SRPRA: variants seen among roughly 807,000 people sequenced by gnomAD.
SRPRA encodes SRP receptor subunit alpha.
In SRPRA, 30 loss-of-function variants were observed where a neutral mutation model predicts 61.1. The observed-to-expected ratio is 0.49, with a 90% CI of 0.37 to 0.67. SRPRA has a LOEUF of 0.67. Ranked by LOEUF, SRPRA falls within the 30% of genes least tolerant of loss-of-function variation. The pLI is 0.00. For synonymous variants in SRPRA, 324 were observed against 299.7 expected, an observed-to-expected ratio of 1.08 and a Z score of -0.84; for missense variants, 759 against 828.4, an observed-to-expected ratio of 0.92 and a Z score of 1.03.
the SRPRA span, among the ~76,000 whole-genome samples, chr11:126,249,310 T>C: frequency 6.6e-6 from 1 of 152,340 alleles, no homozygotes; most frequent in South Asian, 2.1e-4. Flanking sequence ...TATTAAATTG[T>C]TTACGTTAAC....
chr11:126,250,909 A>G, the SRPRA span, among the ~76,000 whole-genome samples: 1 of 152,208 alleles, frequency 6.6e-6, no homozygotes, highest in Non-Finnish European at 1.5e-5. The surrounding 1 kb of genome is among the most constrained non-coding windows in gnomAD (Gnocchi z 5.1). Context: ...ATCAATATAC[A>G]GTAAAATGCA....
chr11:126,268,781 G>C lies in SRPRA; in HGVS notation c.24C>G (p.Phe8Leu). MLDFFTI[F>L]SKGGLVLWCF... ...ACCAGAGCACAAGCCCGCCCTTGGA[G>C]AAAATGGTGAAGAAGTCGAGCATGG... The change falls in exon 1 of 14, where the codon TTC becomes TTG. Residue 8 changes from phenylalanine (F) to leucine (L), a missense_variant. By Grantham distance (22) the Phe-to-Leu change is conservative. Transcript: ENST00000332118. 6.2e-7 allele frequency: 1 copy of C among 1,613,772 alleles called. No individual in the cohort carries two copies. Among genetic ancestry groups the C allele is most frequent in the South Asian group, 1.1e-5 (1 of 91,088 alleles).
At chr11:126,236,937 T>A in the SRPRA span, among the ~76,000 whole-genome samples, 18 of 107,278 alleles carry the variant, frequency 1.7e-4, 1 homozygote, top group African/African-American at 5.4e-4. Flanking sequence ...TTTTTTTTTT[T>A]AGACAGAGTC....
the SRPRA span, among the ~76,000 whole-genome samples, chr11:126,245,995 C>T: frequency 5.9e-4 from 84 of 142,834 alleles, no homozygotes; most frequent in African/African-American, 2.1e-3. Context: ...AGACTCCGTC[C>T]CAAAAAAAAA....
chr11:126,255,098 C>T, the SRPRA span, among the ~76,000 whole-genome samples: 1 of 152,194 alleles, frequency 6.6e-6, no homozygotes, highest in Non-Finnish European at 1.5e-5. The surrounding 1 kb of genome is among the most constrained non-coding windows in gnomAD (Gnocchi z 4.6). Context: ...AAACCAACCA[C>T]TACTAGAGAA....
the SRPRA span, among the ~76,000 whole-genome samples, chr11:126,252,439 TA>T: frequency 6.6e-6 from 1 of 152,178 alleles, no homozygotes; most frequent in Non-Finnish European, 1.5e-5. The surrounding 1 kb of genome is among the most constrained non-coding windows in gnomAD (Gnocchi z 4.7). Flanking sequence ...GCTTGGTAAA[TA>T]TTTTTTTGAT....
At position 126,264,530 on chromosome 11, in the gene SRPRA, T is replaced by C. The variant is rs1179176502; in HGVS notation, c.1535A>G (p.Gln512Arg). 1 of 1,613,030 alleles carries C rather than the reference T, an allele frequency of 6.2e-7. No individual in the cohort carries two copies. The highest frequency in any genetic ancestry group is 1.1e-5 in the South Asian group (1 of 91,014). ...GTCCACCAGCACCACGTCAAAGCCT[T>C]GGTTACGTGCTAGAGAAAGAAAGTA... The part of the protein sequence containing the change: ...AMEAIAFARN[Q>R]GFDVVLVDTA... The change falls in exon 12 of 14, where the codon CAA becomes CGA. Residue 512 changes from glutamine to arginine, a missense_variant. Gln to Arg is a conservative substitution (Grantham distance 43). Transcript: ENST00000332118. This position sits in a 1 kb window ranked among gnomAD's most constrained non-coding sequence, Gnocchi z 5.0.
chr11:126,246,283 T>G, the SRPRA span, among the ~76,000 whole-genome samples: 1 of 152,180 alleles, frequency 6.6e-6, no homozygotes, highest in South Asian at 2.1e-4. Context: ...AATCTAACAG[T>G]ATCAACTCAG....
chr11:126,250,651 CA>C, the SRPRA span: 1 of 1,614,128 alleles, frequency 6.2e-7, no homozygotes, highest in Non-Finnish European at 8.5e-7. The surrounding 1 kb of genome is among the most constrained non-coding windows in gnomAD (Gnocchi z 5.1). Flanking sequence ...GTATTAACTA[CA>C]AATTTTGATA....
At position 126,263,803 on chromosome 11, in the gene SRPRA, C is replaced by A. The variant is rs1565344776; in HGVS notation, c.*113G>T. On this transcript the variant is annotated 3_prime_UTR_variant, in exon 14 of 14. Coordinates refer to ENST00000332118, the MANE Select transcript of SRPRA (RefSeq NM_003139.4). The stretch of plus-strand genomic sequence containing the variant: ...GGAAGGAGCCACAAGCCCCCTCACT[C>A]TGCCTTTGTACTACACTGAAGACAG... 2.8e-6 allele frequency: 4 copies of A among 1,454,452 alleles called. No individual in the cohort carries two copies. Among genetic ancestry groups the A allele is most frequent in the Non-Finnish European group, 3.7e-6 (4 of 1,081,372 alleles). The allele number at this position is 1,454,452 out of a possible 1,614,324, so 90.1% of individuals were successfully genotyped here.
At chr11:126,258,451 C>T (rs1387230055), downstream of SRPRA, among the ~76,000 whole-genome samples, 1 of 152,200 alleles carries the variant, frequency 6.6e-6, no homozygotes, top group East Asian at 1.9e-4. Flanking sequence ...AAATCATCCC[C>T]AGATTTCTTA....
chr11:126,249,731 CAAAAAAAAAAAAA>C, the SRPRA span, among the ~76,000 whole-genome samples: 7 of 79,004 alleles, frequency 8.9e-5, no homozygotes, highest in African/African-American at 1.5e-4. Context: ...GACTCCGTCT[CAAAAAAAAAAAAA>C]AAAAAAAAAA....
chr11:126,250,815 G>T, the SRPRA span: 2 of 1,113,484 alleles, frequency 1.8e-6, no homozygotes, highest in Non-Finnish European at 2.6e-6. This position sits in a 1 kb window ranked among gnomAD's most constrained non-coding sequence, Gnocchi z 5.1. Context: ...TTGGTATATT[G>T]GTATTTATGT....
At chr11:126,268,315 G>A (rs990202028) in intron 1 of SRPRA, among the ~76,000 whole-genome samples, 1 of 152,202 alleles carries the variant, frequency 6.6e-6, no homozygotes, top group East Asian at 1.9e-4. Context: ...AGCCAAAAGG[G>A]AAGTAGTCAT....
the SRPRA span, among the ~76,000 whole-genome samples, chr11:126,237,110 A>T: frequency 7.3e-6 from 1 of 137,756 alleles, no homozygotes; most frequent in Admixed American, 7.7e-5. Context: ...TAGAGACGGG[A>T]TTTCACTGTG....
Position 126,268,632 on chromosome 11 carries a change from C to T in SRPRA, c.117+56G>A. ...AGGCGCGGAATAGAGTCGAAGGGGA[C>T]CATGGATCGGGTCAGGAAAGAAGAG... is the stretch of plus-strand genomic sequence containing the variant. On this transcript the variant is annotated intron_variant, in intron 1 of 13. Coordinates refer to ENST00000332118, the MANE Select transcript of SRPRA (RefSeq NM_003139.4). 4.8e-6 allele frequency: 7 copies of T among 1,454,190 alleles called. 1 individual carries two copies. In the South Asian group the frequency reaches 6.9e-5, roughly 14 times the overall value. 90.1% of individuals were successfully genotyped at this position (1,454,190 alleles called of 1,614,324 possible).
At chr11:126,238,587 A>T in the SRPRA span, among the ~76,000 whole-genome samples, 3 of 152,254 alleles carry the variant, frequency 2.0e-5, no homozygotes, top group African/African-American at 7.2e-5. Context: ...TTATATACAG[A>T]CTTTTACTTA....
In SRPRA at chr11:126,264,159, A is replaced by G; in HGVS notation, c.1788+32T>C. 3.1e-6 allele frequency: 5 copies of G among 1,612,840 alleles called. No individual in the cohort carries two copies. Among genetic ancestry groups the G allele is most frequent in the Non-Finnish European group, 4.2e-6 (5 of 1,179,180 alleles). ...TGCAGCCTCAGCTCCTTTGTGCAGG[A>G]CGCCCATTCCAGCCTCCAGTCTCAC... On this transcript the variant is annotated intron_variant, in intron 13 of 13. Coordinates refer to ENST00000332118, the MANE Select transcript of SRPRA (RefSeq NM_003139.4). The surrounding 1 kb of genome is among the most constrained non-coding windows in gnomAD (Gnocchi z 5.0).
chr11:126,265,741 G>C lies in SRPRA; in HGVS notation c.1134C>G (p.Phe378Leu), dbSNP rs565989865. ...CTCACTTAGGTAAGTACTTACTGCT[G>C]AACGTCCCCATCACCTTCCCTTCCA... ...NKLEGKVMGT[F>L]STVTSTVKQA... Residue 378 changes from phenylalanine to leucine, a missense_variant, in exon 9 of 14, where the codon TTC becomes TTG. Around this residue, in one of 2 missense-constraint regions of SRPRA, gnomAD observed 284 missense variants for 365.9 expected, o/e 0.78. Coordinates refer to ENST00000332118, the MANE Select transcript of SRPRA (RefSeq NM_003139.4). The surrounding 1 kb of genome is among the most constrained non-coding windows in gnomAD (Gnocchi z 6.3). 2 of 1,614,168 alleles carry C rather than the reference G, an allele frequency of 1.2e-6. No homozygotes were observed. Among genetic ancestry groups the C allele is most frequent in the South Asian group, 2.2e-5 (2 of 91,074 alleles).
Sources: gnomAD v4.1 joint callset for allele counts (sites outside exome capture counted in the v4.1 genomes callset) on GRCh38, gnomAD v4.1.1 for gene constraint, gnomAD v4.1.1 regional missense constraint, Gnocchi (gnomAD v3.1) non-coding constraint, MANE v1.5 for transcripts, NCBI Gene and HGNC (gene_info 2026-07-23, HGNC 2026-07-21) for gene names.